SAFB: variants seen among roughly 807,000 people sequenced by gnomAD.
The protein encoded by SAFB is scaffold attachment factor B.
A neutral mutation model predicts 101.6 loss-of-function variants in SAFB; 15 were observed. The observed-to-expected ratio is 0.15, with a 90% confidence interval of 0.10 to 0.23. SAFB has a LOEUF of 0.23. Among genes scored for constraint, SAFB ranks in the 10% least tolerant of loss-of-function variants. SAFB has a pLI of 1.00. For missense variants in SAFB, 930 were observed against 1,104.1 expected (o/e 0.84, Z 2.23); for synonymous variants, 449 against 407.5 (o/e 1.10, Z -1.23).
intron 15 of SAFB, among the ~76,000 whole-genome samples, chr19:5,662,410 C>T (rs374501078): frequency 1.5e-4 from 22 of 151,560 alleles, no homozygotes; most frequent in African/African-American, 4.8e-4. Context: ...AGGAAAATCG[C>T]GTGTACCCAG....
intron 15 of SAFB, among the ~76,000 whole-genome samples, chr19:5,662,426 A>C (rs1042587963): frequency 1.3e-5 from 2 of 151,584 alleles, no homozygotes; most frequent in African/African-American, 4.8e-5. Flanking sequence ...CCCAGGAGGC[A>C]GAGGTTGCAG....
intron 7 of SAFB, 43 bp downstream of exon 7, chr19:5,649,542 C>T: frequency 2.6e-6 from 1 of 380,430 alleles, no homozygotes; most frequent in Middle Eastern, 7.5e-4. Flanking sequence ...ATCTCCTTTT[C>T]ATTGGTCATG....
chr19:5,640,459 G>A (rs1246780191), intron 2 of SAFB, among the ~76,000 whole-genome samples: 1 of 139,534 alleles, frequency 7.2e-6, no homozygotes, highest in Non-Finnish European at 1.5e-5. Context: ...TCTGCCTCCC[G>A]GATTCAAGCG....
At chr19:5,633,287 A>G (rs1483398215) in intron 2 of SAFB, among the ~76,000 whole-genome samples, 1 of 152,330 alleles carries the variant, frequency 6.6e-6, no homozygotes, top group Non-Finnish European at 1.5e-5. Flanking sequence ...ATTTACTACA[A>G]TGTGCAAAAC....
At chr19:5,633,390 G>T (rs1235138416) in intron 2 of SAFB, among the ~76,000 whole-genome samples, 1 of 152,134 alleles carries the variant, frequency 6.6e-6, no homozygotes, top group Non-Finnish European at 1.5e-5. Context: ...GGAATGGCAG[G>T]GTACGTGAGT....
chr19:5,630,448 G>T (rs1459312539), intron 2 of SAFB, among the ~76,000 whole-genome samples: 2 of 152,152 alleles, frequency 1.3e-5, no homozygotes, highest in African/African-American at 4.8e-5. Flanking sequence ...CGCTTTAAAA[G>T]GACTTCTTTG....
intron 14 of SAFB, among the ~76,000 whole-genome samples, chr19:5,657,749 T>G (rs1335240589): frequency 3.9e-5 from 6 of 151,994 alleles, no homozygotes; most frequent in African/African-American, 1.4e-4. Context: ...GGTCTGAAAC[T>G]CCTGACCTCA....
At position 5,658,964 on chromosome 19, in the gene SAFB, G is replaced by T. The variant is rs193281835; in HGVS notation, c.1862+1617G>T. On this transcript the variant is annotated intron_variant, in intron 14 of 20. Transcript: ENST00000588852. ...GTTCAAGACCAGCCTGGCCAACGTG[G>T]TGAAACCCCATCTCTACTAAAAATA... is the stretch of plus-strand genomic sequence containing the variant. Among the ~76,000 whole-genome samples the T allele has an allele frequency of 8.5e-5, 13 of 152,276 alleles. No homozygotes were observed. In the East Asian group the frequency reaches 2.5e-3, roughly 29 times the overall value.
chr19:5,653,392 A>C lies in SAFB; in HGVS notation c.1498A>C (p.Lys500Gln). Reference sequence around the variant, plus strand: ...CTCTGACAAAAGAGACAGTGACGGGAAAAAGGAGAAGTCGAGCAACAGTGA... The same window carrying C: ...CTCTGACAAAAGAGACAGTGACGGGCAAAAGGAGAAGTCGAGCAACAGTGA... Reference protein sequence around the residue: ...KTSDKRDSDGKKEKSSNSDRS... With the variant: ...KTSDKRDSDGQKEKSSNSDRS... Residue 500 changes from lysine (K) to glutamine (Q), a missense_variant, in exon 11 of 21, where the codon AAA (lysine) becomes CAA (glutamine). By Grantham distance (53) the Lys-to-Gln change is moderately conservative. Transcript: ENST00000588852. The C allele has an allele frequency of 6.2e-7, 1 of 1,613,852 alleles. No homozygotes were observed. The highest frequency in any genetic ancestry group is 8.5e-7 in the Non-Finnish European group (1 of 1,179,780).
intron 2 of SAFB, among the ~76,000 whole-genome samples, chr19:5,629,570 C>T (rs1453620554): frequency 6.6e-6 from 1 of 152,190 alleles, no homozygotes; most frequent in African/African-American, 2.4e-5. Context: ...TTTAGCCCAT[C>T]AGTCTTTTTA....
At chr19:5,658,418 C>A (rs2054114364) in intron 14 of SAFB, among the ~76,000 whole-genome samples, 1 of 152,212 alleles carries the variant, frequency 6.6e-6, no homozygotes, top group Non-Finnish European at 1.5e-5. Flanking sequence ...GTAAGGACCC[C>A]CCTGGGCGCA....
Position 5,642,113 on chromosome 19 carries a change from G to C in SAFB, c.546+167G>C, listed in dbSNP as rs2053729325. The C allele has an allele frequency of 5.7e-6, 4 of 698,300 alleles. No homozygotes were observed. In the Admixed American group the frequency reaches 8.1e-5, roughly 14 times the overall value. The allele number at this position is 698,300 out of a possible 1,614,324, so 43.3% of individuals were successfully genotyped here. On this transcript the variant is annotated intron_variant, in intron 4 of 20. Coordinates refer to ENST00000588852, the MANE Select transcript of SAFB (RefSeq NM_001201338.2). ...CTGAACCAATTTGTTTTGTTGAAAG[G>C]TGATGTCTTATAACATTTCATATGT... is the stretch of plus-strand genomic sequence containing the variant.
chr19:5,631,181 C>T (rs890652321), intron 2 of SAFB, among the ~76,000 whole-genome samples: 1 of 152,158 alleles, frequency 6.6e-6, no homozygotes, highest in African/African-American at 2.4e-5. Context: ...CAGTGCAAGA[C>T]TGTGTCTCAA....
At position 5,650,964 on chromosome 19, in the gene SAFB, T is replaced by C. The variant is rs374351583; in HGVS notation, c.1199-14T>C. Reference sequence around the variant, plus strand: ...GGGTATTTGGGTTTTTACTAGAATTTTCTTTTGAAATAGGTCGCAGCAGTT... The same window carrying C: ...GGGTATTTGGGTTTTTACTAGAATTCTCTTTTGAAATAGGTCGCAGCAGTT... On this transcript the variant is annotated splice_polypyrimidine_tract_variant and intron_variant, in intron 8 of 20. Coordinates refer to ENST00000588852, the MANE Select transcript of SAFB (RefSeq NM_001201338.2). 3.5e-4 allele frequency: 539 copies of C among 1,549,716 alleles called. No homozygotes were observed. The highest frequency in any genetic ancestry group is 4.3e-4 in the Non-Finnish European group (486 of 1,132,382).
intron 13 of SAFB, among the ~76,000 whole-genome samples, chr19:5,655,982 T>C (rs560186595): frequency 3.9e-5 from 6 of 152,360 alleles, no homozygotes; most frequent in East Asian, 1.9e-4. Context: ...TTTGATCTTA[T>C]ATGAAGTTTT....
intron 15 of SAFB, 85 bp downstream of exon 15, chr19:5,661,893 T>C (rs1216076177): frequency 1.8e-6 from 2 of 1,086,762 alleles, no homozygotes; most frequent in East Asian, 5.2e-5. Context: ...AGATTTTTTT[T>C]TTTTTTTTTG....
At chr19:5,631,100 G>A (rs1172433809) in intron 2 of SAFB, among the ~76,000 whole-genome samples, 1 of 151,770 alleles carries the variant, frequency 6.6e-6, no homozygotes. Flanking sequence ...TGAGGCAGGA[G>A]AATCACTTGA....
intron 2 of SAFB, among the ~76,000 whole-genome samples, chr19:5,640,663 C>T (rs1413181420): frequency 6.6e-6 from 1 of 152,112 alleles, no homozygotes; most frequent in Non-Finnish European, 1.5e-5. Flanking sequence ...GATCTCAGCT[C>T]ACTGCAACCT....
At chr19:5,625,314 G>T (rs2053334309) in intron 1 of SAFB, among the ~76,000 whole-genome samples, 1 of 152,200 alleles carries the variant, frequency 6.6e-6, no homozygotes, top group Non-Finnish European at 1.5e-5. Flanking sequence ...TTTCAGAATT[G>T]CCTGTCCCCG....
Sources: allele counts gnomAD v4.1 joint callset (sites outside exome capture counted in the v4.1 genomes callset), GRCh38; gene constraint gnomAD v4.1.1; transcripts MANE v1.5; gene names NCBI Gene and HGNC (gene_info 2026-07-23, HGNC 2026-07-21).